ZDHHC5: variants seen among roughly 807,000 people sequenced by gnomAD.
ZDHHC5 encodes zDHHC palmitoyltransferase 5.
A neutral mutation model predicts 70.0 loss-of-function variants in ZDHHC5; 22 were observed. The ratio of observed to expected loss-of-function variants is 0.31; its 90% CI spans 0.22 to 0.45. The LOEUF is 0.45. Among genes scored for constraint, ZDHHC5 ranks in the 20% least tolerant of loss-of-function variants. The probability of loss-of-function intolerance (pLI) is 1.00; values close to 1 mark genes in which losing one functional copy is unlikely to be tolerated. For synonymous variants in ZDHHC5, 313 were observed against 347.8 expected (o/e 0.90, Z 1.11); for missense variants, 746 against 926.9 (o/e 0.80, Z 2.53).
Position 57,699,244 on chromosome 11 carries a change from C to A in ZDHHC5, c.1808C>A (p.Pro603Gln), listed in dbSNP as rs776546483. ...TTGGGCAAGACTCCACTGGGACGCC[C>A]AGCTGTCCCCCGTTTTGGCAAGCCA... ...SPLGKTPLGR[P>Q]AVPRFGKPDG... Residue 603 changes from proline to glutamine, a missense_variant, in exon 11 of 12, where the codon CCA (proline) becomes CAA (glutamine). By Grantham distance (76) the Pro-to-Gln change is moderately conservative. Around this residue, in one of 6 missense-constraint regions of ZDHHC5, gnomAD observed 340 missense variants for 350.1 expected, o/e 0.97. Transcript: ENST00000287169. 6 of 1,614,094 alleles carry A rather than the reference C, an allele frequency of 3.7e-6. No individual in the cohort carries two copies. Among genetic ancestry groups the A allele is most frequent in the Non-Finnish European group, 5.1e-6 (6 of 1,180,042 alleles).
At chr11:57,696,987 G>A in intron 10 of ZDHHC5, 114 bp downstream of exon 10, 1 of 1,065,054 alleles carries the variant, frequency 9.4e-7, no homozygotes, top group Non-Finnish European at 1.4e-6. Flanking sequence ...ACAAGGTCAA[G>A]AGATTGAGAC....
chr11:57,689,833 C>T (rs575343289), intron 4 of ZDHHC5, among the ~76,000 whole-genome samples, 198 bp from the exon 5 acceptor site: 73 of 152,260 alleles, frequency 4.8e-4, no homozygotes, highest in African/African-American at 1.6e-3. Context: ...TGCACCACTA[C>T]GCCTGGTTGG....
intron 10 of ZDHHC5, among the ~76,000 whole-genome samples, chr11:57,698,293 T>C (rs1255141217): frequency 6.6e-6 from 1 of 152,178 alleles, no homozygotes; most frequent in Admixed American, 6.6e-5. Context: ...TATAGCATAA[T>C]AGATTAGTGC....
At chr11:57,684,391 C>T (rs1946185274) in intron 3 of ZDHHC5, among the ~76,000 whole-genome samples, 1 of 152,150 alleles carries the variant, frequency 6.6e-6, no homozygotes, top group African/African-American at 2.4e-5. Flanking sequence ...TGAGACCAGC[C>T]TGACCAACAT....
intron 2 of ZDHHC5, chr11:57,681,673 T>C (rs1946151627): frequency 6.6e-6 from 1 of 152,206 alleles, no homozygotes; most frequent in South Asian, 2.1e-4. Flanking sequence ...AAAGCATATC[T>C]TGAGTTGACT....
chr11:57,688,778 C>T, intron 4 of ZDHHC5, 113 bp downstream of exon 4: 3 of 1,172,548 alleles, frequency 2.6e-6, no homozygotes, highest in Non-Finnish European at 3.4e-6. Flanking sequence ...ACTACGTTGG[C>T]CACATGGTCC....
chr11:57,678,131 A>G (rs1178863327), intron 2 of ZDHHC5, among the ~76,000 whole-genome samples: 6 of 152,262 alleles, frequency 3.9e-5, no homozygotes, highest in African/African-American at 7.2e-5. Flanking sequence ...GGCAGAATGC[A>G]TAGACCTATT....
intron 4 of ZDHHC5, among the ~76,000 whole-genome samples, chr11:57,689,687 T>A (rs965320488): frequency 1.3e-5 from 2 of 151,702 alleles, no homozygotes; most frequent in Non-Finnish European, 1.5e-5. Context: ...ATTTTTTTTT[T>A]TTTTTTTTTT....
At chr11:57,685,512 T>C (rs774621353) in intron 3 of ZDHHC5, among the ~76,000 whole-genome samples, 80 of 151,430 alleles carry the variant, frequency 5.3e-4, no homozygotes, top group Non-Finnish European at 6.3e-4. Flanking sequence ...CCAGGCATGG[T>C]AGTGCACGTG....
chr11:57,695,683 C>T (rs79740710), intron 8 of ZDHHC5, among the ~76,000 whole-genome samples: 37,877 of 151,286 alleles, frequency 0.25, 5,528 homozygotes, highest in Non-Finnish European at 0.33. Context: ...ATCCCAGCTA[C>T]TTGGGAGGCT....
chr11:57,674,987 C>G (rs1290265945), intron 2 of ZDHHC5, among the ~76,000 whole-genome samples: 2 of 152,198 alleles, frequency 1.3e-5, no homozygotes, highest in Non-Finnish European at 2.9e-5. Context: ...TCAACATGTT[C>G]AGTGCTCTGT....
intron 3 of ZDHHC5, among the ~76,000 whole-genome samples, chr11:57,684,993 C>T (rs1217663107): frequency 6.6e-6 from 1 of 151,782 alleles, no homozygotes; most frequent in South Asian, 2.1e-4. Context: ...CTGAAAAATA[C>T]AAAAATTAGC....
In ZDHHC5 at chr11:57,688,537, T is replaced by C. The variant is rs1946241121; in HGVS notation, c.256T>C (p.Phe86Leu). 4.4e-6 allele frequency: 7 copies of C among 1,600,086 alleles called. No individual in the cohort carries two copies. Among genetic ancestry groups the C allele is most frequent in the Non-Finnish European group, 6.0e-6 (7 of 1,172,626 alleles). The change falls in exon 4 of 12, where the codon TTC becomes CTC. Residue 86 changes from phenylalanine (F) to leucine (L), a missense_variant. Coordinates refer to ENST00000287169, the MANE Select transcript of ZDHHC5 (RefSeq NM_015457.3). ...AEEDEDKEDD[F>L]RAPLYKTVEI... ...GGAGGATGAGGACAAGGAAGATGAT[T>C]TCCGAGCTCCCCTTTACAAAACAGT...
chr11:57,687,781 TTAAGATG>T (rs1249310367), intron 3 of ZDHHC5, among the ~76,000 whole-genome samples: 9 of 108,766 alleles, frequency 8.3e-5, no homozygotes, highest in Admixed American at 4.2e-4. Flanking sequence ...TTTTTTTTTT[TTAAGATG>T]AAGATGAAGT....
intron 2 of ZDHHC5, among the ~76,000 whole-genome samples, chr11:57,676,252 G>A (rs1480655814): frequency 6.6e-6 from 1 of 152,194 alleles, no homozygotes; most frequent in African/African-American, 2.4e-5. Context: ...AACAGTTCAG[G>A]CCTTCCTCCT....
At chr11:57,674,003 C>G (rs1946039588) in intron 2 of ZDHHC5, among the ~76,000 whole-genome samples, 1 of 152,152 alleles carries the variant, frequency 6.6e-6, no homozygotes, top group Admixed American at 6.5e-5. Flanking sequence ...AGAGTTTTGG[C>G]TTTTAGTGCT....
chr11:57,700,181 CAGT>C lies in ZDHHC5; in HGVS notation c.*153_*155del. 9.1e-7 allele frequency: 1 copy of C among 1,100,138 alleles called. No homozygotes were observed. The highest frequency in any genetic ancestry group is 1.2e-6 in the Non-Finnish European group (1 of 803,054). The allele number at this position is 1,100,138 out of a possible 1,614,324, so 68.1% of individuals were successfully genotyped here. A position where few individuals can be genotyped will look rare whatever the true frequency, so the allele number is the denominator to read the frequency against. On this transcript the variant is annotated 3_prime_UTR_variant, in exon 12 of 12. Transcript: ENST00000287169. ...AGGATGAGGAGTGTTTTCTAAAATG[CAGT>C]AGGCTTGGGGAGTCGGAGAGTTGGG...
intron 3 of ZDHHC5, among the ~76,000 whole-genome samples, chr11:57,683,330 T>G (rs1946170996): frequency 6.6e-6 from 1 of 152,348 alleles, no homozygotes; most frequent in Middle Eastern, 3.4e-3. Flanking sequence ...CAGCTACCTT[T>G]TGGGAGGCTG....
chr11:57,669,052 G>A (rs1945965618), intron 1 of ZDHHC5, among the ~76,000 whole-genome samples: 1 of 152,136 alleles, frequency 6.6e-6, no homozygotes, highest in Non-Finnish European at 1.5e-5. Flanking sequence ...TTCTATCTCA[G>A]TATACCTCTG....
Sources: allele counts gnomAD v4.1 joint callset (sites outside exome capture counted in the v4.1 genomes callset), GRCh38; gene constraint gnomAD v4.1.1; regional missense constraint gnomAD v4.1.1; transcripts MANE v1.5; gene names NCBI Gene and HGNC (gene_info 2026-07-23, HGNC 2026-07-21).